FRMD8: variants seen among roughly 807,000 people sequenced by gnomAD.
The protein encoded by FRMD8 is FERM domain containing 8.
A neutral mutation model predicts 54.2 loss-of-function variants in FRMD8; 37 were observed. The observed-to-expected ratio is 0.68, with a 90% CI of 0.53 to 0.90. The LOEUF is 0.90. Ranked by LOEUF, FRMD8 falls within the 40% of genes least tolerant of loss-of-function variation. The pLI is 0.00. For synonymous variants in FRMD8, 246 were observed against 286.9 expected (o/e 0.86, Z 1.44); for missense variants, 585 against 653.7 (o/e 0.89, Z 1.15).
chr11:65,406,756 A>G (rs542056814), intron 10 of FRMD8, among the ~76,000 whole-genome samples: 8 of 152,106 alleles, frequency 5.3e-5, no homozygotes, highest in African/African-American at 1.7e-4. Context: ...TCTGACCAAC[A>G]TGGAGAAAAC....
chr11:65,380,375 G>C, the FRMD8 span: 2 of 926,908 alleles, frequency 2.2e-6, no homozygotes, highest in Non-Finnish European at 1.6e-6. Flanking sequence ...GGCCAGGAAG[G>C]CACTGGGACA....
At chr11:65,379,711 C>T in the FRMD8 span, 26 of 1,256,294 alleles carry the variant, frequency 2.1e-5, no homozygotes, top group South Asian at 2.4e-4. Flanking sequence ...GAGGCTGCGC[C>T]TCTGGGGTGC....
the FRMD8 span, chr11:65,381,599 A>T: frequency 7.5e-6 from 1 of 133,898 alleles, no homozygotes; most frequent in African/African-American, 3.7e-5. Flanking sequence ...GCAGGGTCTC[A>T]TTCTGTCACC....
the FRMD8 span, chr11:65,380,527 T>G: frequency 1.5e-6 from 2 of 1,374,076 alleles, no homozygotes; most frequent in Non-Finnish European, 9.6e-7. Flanking sequence ...ATCACCCAGG[T>G]TCCCACCTCT....
intron 5 of FRMD8, 56 bp downstream of exon 5, chr11:65,394,155 CT>C (rs1317783655): frequency 2.9e-5 from 47 of 1,606,088 alleles, no homozygotes; most frequent in Non-Finnish European, 3.7e-5. Context: ...CCCAGCCTCC[CT>C]GTCCCTAGAC....
At chr11:65,409,912 C>T (rs888267886) in intron 10 of FRMD8, among the ~76,000 whole-genome samples, 1 of 151,968 alleles carries the variant, frequency 6.6e-6, no homozygotes, top group African/African-American at 2.4e-5. Context: ...GACCCTGTCT[C>T]TACACAAACT....
rs577809951 is a variant in FRMD8, at chr11:65,386,674, G to A, written c.-88G>A. The A allele has an allele frequency of 3.6e-6, 1 of 275,326 alleles. No homozygotes were observed. The allele number at this position is 275,326 out of a possible 1,614,324, so 17.1% of individuals were successfully genotyped here. On this transcript the variant is annotated 5_prime_UTR_variant, in exon 1 of 11. Coordinates refer to ENST00000317568, the MANE Select transcript of FRMD8 (RefSeq NM_031904.5). ...TCAGCTGCGTCCTTAGCGGGAGCCC[G>A]AGTGCGGGCGGTGGCGGGCTTGGCG... is the stretch of plus-strand genomic sequence containing the variant.
the FRMD8 span, chr11:65,378,610 C>A: frequency 6.6e-6 from 1 of 152,254 alleles, no homozygotes; most frequent in Non-Finnish European, 1.5e-5. Context: ...ATCATTAATT[C>A]ATTTGAAGGA....
Position 65,400,961 on chromosome 11 carries a change from G to A in FRMD8, c.1071+94G>A, listed in dbSNP as rs1358360010. 3 of 1,378,848 alleles carry A rather than the reference G, an allele frequency of 2.2e-6. No individual in the cohort carries two copies. In the Admixed American group the frequency reaches 7.6e-5, roughly 35 times the overall value. 85.4% of individuals were successfully genotyped at this position (1,378,848 alleles called of 1,614,324 possible). A position where few individuals can be genotyped will look rare whatever the true frequency, so the allele number is the denominator to read the frequency against. On this transcript the variant is annotated intron_variant, in intron 9 of 10. Transcript: ENST00000317568. This position sits in a 1 kb window ranked among gnomAD's most constrained non-coding sequence, Gnocchi z 4.3. ...GAGGCACCAGGCTGGCGGGCAAGGA[G>A]GTGAGAAGCTGCCTTGGGCCTGAGG...
chr11:65,401,363 C>T (rs1228458001), intron 9 of FRMD8, among the ~76,000 whole-genome samples: 3 of 113,592 alleles, frequency 2.6e-5, no homozygotes, highest in Non-Finnish European at 3.6e-5. Context: ...TCCCCTGCCT[C>T]CCTCCCCTGC....
chr11:65,410,606 C>T (rs1242507951), intron 10 of FRMD8, among the ~76,000 whole-genome samples: 2 of 151,660 alleles, frequency 1.3e-5, no homozygotes, highest in Non-Finnish European at 1.5e-5. Context: ...TTGGCTAACA[C>T]GGTGAAACCC....
At chr11:65,405,516 G>A (rs1327966991) in intron 10 of FRMD8, among the ~76,000 whole-genome samples, 1 of 152,144 alleles carries the variant, frequency 6.6e-6, no homozygotes, top group Admixed American at 6.6e-5. Context: ...CCAGCTACTC[G>A]GGAGGCTGAG....
At chr11:65,393,999 C>A in intron 4 of FRMD8, 42 bp from the exon 5 acceptor site, 3 of 1,605,210 alleles carry the variant, frequency 1.9e-6, no homozygotes, top group Non-Finnish European at 2.6e-6. Context: ...GAGGGCTAAG[C>A]AGAGTGGGGA....
chr11:65,408,363 C>T (rs1362734518), intron 10 of FRMD8, among the ~76,000 whole-genome samples: 2 of 151,856 alleles, frequency 1.3e-5, no homozygotes, highest in African/African-American at 2.4e-5. Context: ...CGTGAGCCAC[C>T]GCGCCCAGCC....
At chr11:65,376,112 G>T in the FRMD8 span, 1 of 484,638 alleles carries the variant, frequency 2.1e-6, no homozygotes, top group Non-Finnish European at 3.7e-6. Context: ...GCACAGGACA[G>T]GAGCTGGGAT....
the FRMD8 span, among the ~76,000 whole-genome samples, chr11:65,370,678 C>T: frequency 3.3e-5 from 5 of 150,944 alleles, no homozygotes; most frequent in Non-Finnish European, 4.4e-5. Flanking sequence ...CCAGCCTGGG[C>T]GATAGAGCAA....
chr11:65,410,823 C>A (rs1048034939), intron 10 of FRMD8, among the ~76,000 whole-genome samples: 26 of 152,196 alleles, frequency 1.7e-4, no homozygotes, highest in East Asian at 5.8e-4. Context: ...CCAAAAAAAA[C>A]CAAAAACTAA....
At chr11:65,397,390 C>T (rs975824195) in intron 7 of FRMD8, among the ~76,000 whole-genome samples, 1 of 152,228 alleles carries the variant, frequency 6.6e-6, no homozygotes. Flanking sequence ...CCAGAGACAC[C>T]GTGCCCCTGC....
the FRMD8 span, chr11:65,376,281 G>A: frequency 8.1e-7 from 1 of 1,227,096 alleles, no homozygotes; most frequent in Admixed American, 2.2e-5. Flanking sequence ...GCGCGGGTGG[G>A]AGGCACCTTG....
Sources: gnomAD v4.1 joint callset for allele counts (sites outside exome capture counted in the v4.1 genomes callset) on GRCh38, gnomAD v4.1.1 for gene constraint, Gnocchi (gnomAD v3.1) non-coding constraint, MANE v1.5 for transcripts, NCBI Gene and HGNC (gene_info 2026-07-23, HGNC 2026-07-21) for gene names.